Variants in ITPK1 observed in about 807,000 individuals in gnomAD.
The protein encoded by ITPK1 is inositol 1,3,4-trisphosphate 5/6-kinase.
Under a neutral mutation model 45.3 loss-of-function variants are expected in ITPK1, and 21 were observed. The ratio of observed to expected loss-of-function variants is 0.46; its 90% confidence interval spans 0.33 to 0.67. The LOEUF (loss-of-function observed/expected upper bound fraction) is 0.67, where lower values mean the gene tolerates loss of function less well. Ranked by LOEUF, ITPK1 falls within the 30% of genes least tolerant of loss-of-function variation. The probability of loss-of-function intolerance (pLI) is 0.02; values close to 1 mark genes in which losing one functional copy is unlikely to be tolerated. For missense variants in ITPK1, 474 were observed against 573.5 expected (o/e 0.83, Z 1.77); for synonymous variants, 258 against 253.6 (o/e 1.02, Z -0.16).
At chr14:92,946,766 C>A (rs909107996) in intron 9 of ITPK1, among the ~76,000 whole-genome samples, 4 of 152,254 alleles carry the variant, frequency 2.6e-5, no homozygotes, top group Admixed American at 1.3e-4. Flanking sequence ...CACAGGGAAA[C>A]CGGAGCTCAG....
chr14:93,094,345 A>G (rs1186810782), intron 2 of ITPK1, among the ~76,000 whole-genome samples: 1 of 152,156 alleles, frequency 6.6e-6, no homozygotes, highest in Non-Finnish European at 1.5e-5. Flanking sequence ...ACCTATGCCC[A>G]TGGCTCAGAG....
intron 3 of ITPK1, among the ~76,000 whole-genome samples, chr14:93,049,471 T>C (rs965294420): frequency 2.6e-5 from 4 of 151,956 alleles, no homozygotes; most frequent in Non-Finnish European, 5.9e-5. Context: ...GGTGTCTGAG[T>C]TGGGAATGGC....
intron 3 of ITPK1, among the ~76,000 whole-genome samples, chr14:93,029,974 AC>A (rs1888951844): frequency 6.6e-6 from 1 of 152,094 alleles, no homozygotes; most frequent in Non-Finnish European, 1.5e-5. Flanking sequence ...AAAGGCTGCT[AC>A]CCCCTTCCAG....
In ITPK1 at chr14:93,095,944, T is replaced by G. The variant is rs138974058; in HGVS notation, c.95+19125A>C. ...ATGGGGTTGTGTTCTTTTTCATGGC[T>G]GAGTAGTATTTCACGGACTATGTTG... On this transcript the variant is annotated intron_variant, in intron 2 of 10. Transcript: ENST00000267615. Among the ~76,000 whole-genome samples the G allele has an allele frequency of 9.2e-5, 14 of 152,328 alleles. No homozygotes were observed. In the East Asian group the frequency reaches 2.5e-3, roughly 27 times the overall value.
chr14:92,994,291 C>T (rs1320634169), intron 4 of ITPK1, among the ~76,000 whole-genome samples: 1 of 152,238 alleles, frequency 6.6e-6, no homozygotes, highest in African/African-American at 2.4e-5. Flanking sequence ...GGAAGCAGAT[C>T]CACTCCAGGC....
chr14:92,957,138 T>C (rs917060613), intron 8 of ITPK1, among the ~76,000 whole-genome samples: 2 of 152,268 alleles, frequency 1.3e-5, no homozygotes, highest in Non-Finnish European at 2.9e-5. Context: ...CCAGGAGATG[T>C]GGATGGCCAC....
Position 93,115,260 on chromosome 14 carries a change from C to G in ITPK1, c.-97G>C, listed in dbSNP as rs776199488. 1 of 756,486 alleles carries G rather than the reference C, an allele frequency of 1.3e-6. No homozygotes were observed. The highest frequency in any genetic ancestry group is 3.1e-5 in the East Asian group (1 of 32,704). 46.9% of individuals were successfully genotyped at this position (756,486 alleles called of 1,614,324 possible). A position where few individuals can be genotyped will look rare whatever the true frequency, so the allele number is the denominator to read the frequency against. On this transcript the variant is annotated 5_prime_UTR_variant, in exon 2 of 11. Coordinates refer to ENST00000267615, the MANE Select transcript of ITPK1 (RefSeq NM_014216.6). ...CCGCGAGCGAGTGGGCACCTCCTCC[C>G]GGCGGCGGGGACGCGGAACGGGGAT...
At position 93,115,190 on chromosome 14, in the gene ITPK1, T is replaced by C. The variant is rs1226760199; in HGVS notation, c.-27A>G. ...TTCCTCCTCGGGCGGGGAGCCTGGG[T>C]CCGGAGGAAATCGCCCACAGGCCGA... On this transcript the variant is annotated 5_prime_UTR_variant, in exon 2 of 11. Transcript: ENST00000267615. 6.5e-7 allele frequency: 1 copy of C among 1,546,884 alleles called. No homozygotes were observed. The highest frequency in any genetic ancestry group is 2.3e-5 in the East Asian group (1 of 43,096).
rs181959667 is a variant in ITPK1, at chr14:93,042,994, G to A, written c.121-26193C>T. ...GATCGCACCACTGCACCCCAGCCTG[G>A]TGACAGAGCGAGACTGTCTCAAAAA... On this transcript the variant is annotated intron_variant, in intron 3 of 10. Transcript: ENST00000267615. Among the ~76,000 whole-genome samples, 33 of 151,188 alleles carry A rather than the reference G, an allele frequency of 2.2e-4. No homozygotes were observed. In the East Asian group the frequency reaches 6.3e-3, roughly 29 times the overall value.
chr14:92,987,053 T>C (rs1392708146), intron 5 of ITPK1, among the ~76,000 whole-genome samples: 1 of 152,190 alleles, frequency 6.6e-6, no homozygotes, highest in Non-Finnish European at 1.5e-5. Flanking sequence ...TCTCTGCCAG[T>C]GCCCTTAGGA....
chr14:92,939,711 C>T lies in ITPK1; in HGVS notation c.*1850G>A. The T allele has an allele frequency of 1.0e-6, 1 of 985,414 alleles. No homozygotes were observed. The highest frequency in any genetic ancestry group is 1.2e-6 in the Non-Finnish European group (1 of 829,946). The allele number at this position is 985,414 out of a possible 1,614,324, so 61.0% of individuals were successfully genotyped here. On this transcript the variant is annotated 3_prime_UTR_variant, in exon 11 of 11. Transcript: ENST00000267615. ...GCCACAAACGGTACAGGAACACAGC[C>T]AGGAGTCACGCTGCACACCCCCACC...
intron 5 of ITPK1, among the ~76,000 whole-genome samples, chr14:92,967,849 A>C (rs1239857960): frequency 2.0e-5 from 3 of 152,202 alleles, no homozygotes; most frequent in Non-Finnish European, 2.9e-5. Context: ...AAATGTCCAG[A>C]ACACGCACAT....
intron 5 of ITPK1, among the ~76,000 whole-genome samples, chr14:92,974,544 T>C (rs1483193028): frequency 6.6e-6 from 1 of 152,178 alleles, no homozygotes; most frequent in African/African-American, 2.4e-5. Context: ...TGTGCAGCGA[T>C]GCATACATGT....
intron 3 of ITPK1, among the ~76,000 whole-genome samples, chr14:93,042,421 C>CA (rs1352173377): frequency 7.2e-5 from 11 of 152,172 alleles, no homozygotes; most frequent in African/African-American, 2.7e-4. Flanking sequence ...ATGTTTGGGT[C>CA]ACCAAAACCC....
intron 2 of ITPK1, among the ~76,000 whole-genome samples, chr14:93,109,214 G>A (rs1247314029): frequency 6.6e-6 from 1 of 152,174 alleles, no homozygotes; most frequent in African/African-American, 2.4e-5. Context: ...AAGAGGTAAT[G>A]ATACAAAACT....
intron 3 of ITPK1, among the ~76,000 whole-genome samples, chr14:93,062,909 A>C (rs1303397342): frequency 6.6e-6 from 1 of 152,178 alleles, no homozygotes; most frequent in East Asian, 1.9e-4. Context: ...AGCAAAAATA[A>C]CCGAGGGTCC....
At chr14:93,046,645 G>T (rs1461396114) in intron 3 of ITPK1, among the ~76,000 whole-genome samples, 1 of 152,160 alleles carries the variant, frequency 6.6e-6, no homozygotes, top group Non-Finnish European at 1.5e-5. Flanking sequence ...CTCCAAATGA[G>T]TGGTCAACTG....
chr14:92,964,206 G>A (rs908473080), intron 5 of ITPK1, among the ~76,000 whole-genome samples: 4 of 152,228 alleles, frequency 2.6e-5, no homozygotes, highest in Non-Finnish European at 5.9e-5. Context: ...GCACTGGGAG[G>A]GTGGTCTGGA....
intron 9 of ITPK1, among the ~76,000 whole-genome samples, chr14:92,949,994 C>T (rs1887882069): frequency 6.6e-6 from 1 of 152,202 alleles, no homozygotes; most frequent in South Asian, 2.1e-4. Flanking sequence ...GGGTGCTTCT[C>T]ACCCAGGAAC....
Sources: allele counts gnomAD v4.1 joint callset (sites outside exome capture counted in the v4.1 genomes callset), GRCh38; gene constraint gnomAD v4.1.1; transcripts MANE v1.5; gene names NCBI Gene and HGNC (gene_info 2026-07-23, HGNC 2026-07-21).